Variants in UBASH3B observed in about 807,000 individuals in gnomAD.
UBASH3B encodes ubiquitin associated and SH3 domain containing B, also known as ubiquitin-associated and SH3 domain-containing protein B.
Under a neutral mutation model 83.4 loss-of-function variants are expected in UBASH3B, and 37 were observed. The ratio of observed to expected loss-of-function variants is 0.44; its 90% CI spans 0.34 to 0.58. UBASH3B has a LOEUF of 0.58. Ranked by LOEUF, UBASH3B falls within the 20% of genes least tolerant of loss-of-function variation. UBASH3B has a pLI of 0.01. For synonymous variants in UBASH3B, 304 were observed against 318.3 expected, an observed-to-expected ratio of 0.96 and a Z score of 0.48; for missense variants, 657 against 827.2, an observed-to-expected ratio of 0.79 and a Z score of 2.52.
At chr11:122,752,905 C>T (rs1861221907) in intron 1 of UBASH3B, among the ~76,000 whole-genome samples, 1 of 151,990 alleles carries the variant, frequency 6.6e-6, no homozygotes, top group Non-Finnish European at 1.5e-5. Context: ...TATTATTACC[C>T]TCATTTTACC....
Position 122,814,019 on chromosome 11 carries a change from C to T in UBASH3B, c.*4133C>T, listed in dbSNP as rs1368774486. On this transcript the variant is annotated 3_prime_UTR_variant, in exon 14 of 14. Coordinates refer to ENST00000284273, the MANE Select transcript of UBASH3B (RefSeq NM_032873.5). ...TTGCAAATACTTTACACTTAGCTGC[C>T]ATTACACAACAAATTGGAATTTTCC... The T allele has an allele frequency of 6.6e-6, 1 of 152,534 alleles. No homozygotes were observed. The highest frequency in any genetic ancestry group is 2.4e-5 in the African/African-American group (1 of 41,434). The allele number at this position is 152,534 out of a possible 1,614,324, so 9.4% of individuals were successfully genotyped here. A position where few individuals can be genotyped will look rare whatever the true frequency, so the allele number is the denominator to read the frequency against.
At chr11:122,733,566 G>A (rs1388494461) in intron 1 of UBASH3B, among the ~76,000 whole-genome samples, 1 of 152,160 alleles carries the variant, frequency 6.6e-6, no homozygotes, top group Non-Finnish European at 1.5e-5. Context: ...TTCTTAATGG[G>A]TGTTGACAGA....
intron 1 of UBASH3B, among the ~76,000 whole-genome samples, chr11:122,706,475 C>T (rs751245420): frequency 6.6e-6 from 1 of 152,182 alleles, no homozygotes; most frequent in Non-Finnish European, 1.5e-5. Flanking sequence ...AGCTTTGTTG[C>T]TAACAACTTG....
At chr11:122,802,096 C>T (rs930798046) in intron 11 of UBASH3B, among the ~76,000 whole-genome samples, 5 of 152,100 alleles carry the variant, frequency 3.3e-5, no homozygotes, top group East Asian at 1.9e-4. Context: ...GCAGGTGGAT[C>T]GTGAGGTCAG....
intron 6 of UBASH3B, among the ~76,000 whole-genome samples, chr11:122,791,625 G>C (rs1861055607): frequency 6.6e-6 from 1 of 152,182 alleles, no homozygotes; most frequent in Non-Finnish European, 1.5e-5. Flanking sequence ...GCAGAGCCCA[G>C]CTTCCTTGTA....
At chr11:122,751,235 T>A (rs1861194200) in intron 1 of UBASH3B, among the ~76,000 whole-genome samples, 1 of 152,232 alleles carries the variant, frequency 6.6e-6, no homozygotes, top group Non-Finnish European at 1.5e-5. Flanking sequence ...TATTTCACTG[T>A]GTGGATGAGA....
intron 1 of UBASH3B, among the ~76,000 whole-genome samples, chr11:122,664,443 C>A (rs185214859): frequency 6.1e-4 from 69 of 112,214 alleles, no homozygotes; most frequent in Non-Finnish European, 1.1e-3. Flanking sequence ...TGACTATGAT[C>A]CTCATTGAAC....
chr11:122,784,388 G>T (rs1860911925), intron 5 of UBASH3B, among the ~76,000 whole-genome samples: 1 of 152,166 alleles, frequency 6.6e-6, no homozygotes, highest in African/African-American at 2.4e-5. Context: ...AGCCAGGCAT[G>T]GTGGCTGTCA....
At chr11:122,657,328 G>T (rs759582858) in intron 1 of UBASH3B, among the ~76,000 whole-genome samples, 1 of 151,814 alleles carries the variant, frequency 6.6e-6, no homozygotes, top group Non-Finnish European at 1.5e-5. Flanking sequence ...ACGGAGTCTC[G>T]CTGTGTCGCC....
chr11:122,656,017 G>A lies in UBASH3B; in HGVS notation c.-33G>A, dbSNP rs753770185. 5.3e-6 allele frequency: 8 copies of A among 1,521,148 alleles called. No homozygotes were observed. The African/African-American group carries it at 8.6e-5, about 16-fold the overall frequency. The allele number at this position is 1,521,148 out of a possible 1,614,324, so 94.2% of individuals were successfully genotyped here. ...CTCCTTCCCGAACCATCCGGCTCGG[G>A]CTCCTTCCCTGGCGATGGCTGGCCG... is the stretch of plus-strand genomic sequence containing the variant. On this transcript the variant is annotated 5_prime_UTR_variant, in exon 1 of 14. Transcript: ENST00000284273.
intron 1 of UBASH3B, among the ~76,000 whole-genome samples, chr11:122,670,908 G>A (rs545439209): frequency 1.9e-4 from 29 of 151,930 alleles, no homozygotes; most frequent in Admixed American, 1.4e-3. Flanking sequence ...GATTACAGAC[G>A]TGCTCCACCA....
chr11:122,719,932 A>C (rs531919800), intron 1 of UBASH3B, among the ~76,000 whole-genome samples: 4 of 152,038 alleles, frequency 2.6e-5, no homozygotes, highest in Non-Finnish European at 4.4e-5. Context: ...CTTCTCTCTT[A>C]GTCCTCCTAC....
intron 1 of UBASH3B, among the ~76,000 whole-genome samples, chr11:122,695,015 G>A (rs1395065778): frequency 3.4e-5 from 4 of 118,350 alleles, no homozygotes; most frequent in African/African-American, 1.3e-4. Context: ...CCAGGCTGGA[G>A]TGCAGTGGCA....
At chr11:122,678,312 C>T (rs1349759278) in intron 1 of UBASH3B, among the ~76,000 whole-genome samples, 1 of 152,220 alleles carries the variant, frequency 6.6e-6, no homozygotes, top group East Asian at 1.9e-4. Flanking sequence ...CATCCTGCCA[C>T]AGCCCTGTCA....
At chr11:122,704,622 G>C (rs1024894829) in intron 1 of UBASH3B, among the ~76,000 whole-genome samples, 1 of 151,786 alleles carries the variant, frequency 6.6e-6, no homozygotes. Flanking sequence ...CAATTCTCCT[G>C]CCTCAGCCTC....
At chr11:122,677,405 T>C (rs1014237223) in intron 1 of UBASH3B, among the ~76,000 whole-genome samples, 4 of 152,230 alleles carry the variant, frequency 2.6e-5, no homozygotes, top group African/African-American at 7.2e-5. Context: ...CTAACTCCTA[T>C]ATACTACATT....
At chr11:122,766,658 G>T (rs1463226953) in intron 1 of UBASH3B, among the ~76,000 whole-genome samples, 2 of 152,222 alleles carry the variant, frequency 1.3e-5, no homozygotes, top group Non-Finnish European at 2.9e-5. Context: ...CAGGAGAATG[G>T]TGTCAACCCG....
In UBASH3B at chr11:122,686,656, C is replaced by T. The variant is rs79717955; in HGVS notation, c.161+30446C>T. Among the ~76,000 whole-genome samples, 85 of 152,222 alleles carry T rather than the reference C, an allele frequency of 5.6e-4. 5 individuals carry two copies. In the East Asian group the frequency reaches 0.016, roughly 29 times the overall value. ...AGGCTTGTTAATAGAGCTCCGTGTG[C>T]AGGCGTTTGGGAGGAGAATGAAGGC... On this transcript the variant is annotated intron_variant, in intron 1 of 13. Transcript: ENST00000284273.
At chr11:122,791,653 C>G (rs1034064732) in intron 6 of UBASH3B, among the ~76,000 whole-genome samples, 9 of 152,168 alleles carry the variant, frequency 5.9e-5, no homozygotes, top group African/African-American at 2.2e-4. Flanking sequence ...CACAGACCTT[C>G]TCTCTCTCCT....
Sources: allele counts gnomAD v4.1 joint callset (sites outside exome capture counted in the v4.1 genomes callset), GRCh38; gene constraint gnomAD v4.1.1; transcripts MANE v1.5; gene names NCBI Gene and HGNC (gene_info 2026-07-23, HGNC 2026-07-21).